The following ORC3 variants were observed in gnomAD, a reference collection of about 807,000 sequenced individuals.
ORC3 encodes the protein origin recognition complex subunit 3, also known as homolog of latheo, Drosophila.
In ORC3, 78 loss-of-function variants were observed where a neutral mutation model predicts 100.7. The observed-to-expected ratio is 0.77, with a 90% CI of 0.65 to 0.94. The LOEUF is 0.94. Ranked by LOEUF, ORC3 falls within the 40% of genes least tolerant of loss-of-function variation. The pLI is 0.00. For missense variants in ORC3, 789 were observed against 823.9 expected (o/e 0.96, Z 0.52); for synonymous variants, 295 against 289.3 (o/e 1.02, Z -0.20).
At chr6:87,650,948 G>A (rs760916795) in intron 13 of ORC3, 19 of 326,306 alleles carry the variant, frequency 5.8e-5, no homozygotes, top group African/African-American at 1.7e-4. Context: ...CAGAGGTTGC[G>A]GTGAGCCGAG....
chr6:87,674,669 T>A, the ORC3 span, among the ~76,000 whole-genome samples: 1 of 149,176 alleles, frequency 6.7e-6, no homozygotes, highest in African/African-American at 2.5e-5. Context: ...AGAGATGGGG[T>A]TTCACTGTGT....
At chr6:87,601,233 G>A (rs965811228) in intron 2 of ORC3, among the ~76,000 whole-genome samples, 7 of 152,008 alleles carry the variant, frequency 4.6e-5, no homozygotes, top group African/African-American at 1.7e-4. Context: ...AAATTAAAAA[G>A]CAAATGATAG....
At chr6:87,648,106 G>C (rs969818779) in intron 13 of ORC3, among the ~76,000 whole-genome samples, 2 of 152,094 alleles carry the variant, frequency 1.3e-5, no homozygotes, top group African/African-American at 2.4e-5. Flanking sequence ...GAGGCTAAAG[G>C]ATGAGAATTG....
chr6:87,618,544 C>T (rs1042941707), intron 9 of ORC3, among the ~76,000 whole-genome samples: 1 of 152,008 alleles, frequency 6.6e-6, no homozygotes, highest in African/African-American at 2.4e-5. Context: ...CATAGGAAAA[C>T]AGAAGTGTAT....
At chr6:87,649,872 G>A (rs1769107358) in intron 13 of ORC3, among the ~76,000 whole-genome samples, 1 of 151,692 alleles carries the variant, frequency 6.6e-6, no homozygotes, top group Non-Finnish European at 1.5e-5. Context: ...ATTTATTCAG[G>A]GCTTTTTTAA....
chr6:87,624,107 C>G (rs549060089), intron 11 of ORC3, among the ~76,000 whole-genome samples: 1 of 152,074 alleles, frequency 6.6e-6, no homozygotes, highest in South Asian at 2.1e-4. Context: ...TATGAAAAAG[C>G]ACAGAGATTT....
intron 15 of ORC3, among the ~76,000 whole-genome samples, chr6:87,657,271 G>T (rs1317545820): frequency 6.6e-6 from 1 of 152,164 alleles, no homozygotes; most frequent in Non-Finnish European, 1.5e-5. Context: ...TGGGAACATG[G>T]CTGCACAAAT....
chr6:87,604,147 C>T (rs1778169626), intron 4 of ORC3, among the ~76,000 whole-genome samples: 1 of 152,148 alleles, frequency 6.6e-6, no homozygotes, highest in African/African-American at 2.4e-5. Context: ...GGAATATTAG[C>T]AAATTTTCTT....
chr6:87,662,251 C>G (rs926458242), intron 16 of ORC3, among the ~76,000 whole-genome samples: 2 of 152,032 alleles, frequency 1.3e-5, no homozygotes, highest in Non-Finnish European at 1.5e-5. Flanking sequence ...ATGGTGAAAC[C>G]TCATCTCTAT....
At chr6:87,621,545 A>T in intron 10 of ORC3, 58 bp downstream of exon 10, 1 of 1,119,132 alleles carries the variant, frequency 8.9e-7, no homozygotes, top group Non-Finnish European at 1.2e-6. Flanking sequence ...ACTAAATAAG[A>T]GATCTCAGAT....
intron 11 of ORC3, among the ~76,000 whole-genome samples, chr6:87,627,374 C>T (rs1452726959): frequency 6.8e-6 from 1 of 146,292 alleles, no homozygotes; most frequent in East Asian, 2.0e-4. Context: ...CAGCTCACTG[C>T]AACCTCCACC....
chr6:87,641,688 A>AGGCTTTTGACTTAG (rs1168383668), intron 13 of ORC3, among the ~76,000 whole-genome samples: 1 of 152,200 alleles, frequency 6.6e-6, no homozygotes. Flanking sequence ...TTTCTGAGTA[A>AGGCTTTTGACTTAG]GGCTTTTGAC....
chr6:87,620,109 A>G (rs1225746519), intron 9 of ORC3, among the ~76,000 whole-genome samples: 1 of 152,230 alleles, frequency 6.6e-6, no homozygotes, highest in Non-Finnish European at 1.5e-5. Flanking sequence ...CAAAATAGTT[A>G]AGTGATAATG....
intron 2 of ORC3, among the ~76,000 whole-genome samples, chr6:87,599,446 C>A (rs1777720788): frequency 6.6e-6 from 1 of 151,888 alleles, no homozygotes; most frequent in African/African-American, 2.4e-5. Flanking sequence ...CAGCTCACTG[C>A]AACCTCTGCC....
intron 3 of ORC3, among the ~76,000 whole-genome samples, chr6:87,602,954 A>AATATATATATATATATATATATTATATAT (rs397935596): frequency 2.1e-5 from 2 of 95,296 alleles, no homozygotes; most frequent in African/African-American, 8.4e-5. Context: ...ACACATATAT[A>AATATATATATATATATATATATTATATAT]ATATATATAT....
At chr6:87,632,803 G>A (rs536449168) in intron 11 of ORC3, among the ~76,000 whole-genome samples, 27 of 152,258 alleles carry the variant, frequency 1.8e-4, no homozygotes, top group African/African-American at 6.5e-4. Context: ...GGTGGAGGTT[G>A]CAGTGAGCAG....
chr6:87,675,029 A>G, the ORC3 span: 1 of 151,602 alleles, frequency 6.6e-6, no homozygotes, highest in Non-Finnish European at 1.5e-5. Flanking sequence ...CATTTGTTAA[A>G]AAGACTGATA....
At chr6:87,614,642 A>G (rs1779027201) in intron 8 of ORC3, among the ~76,000 whole-genome samples, 1 of 152,140 alleles carries the variant, frequency 6.6e-6, no homozygotes, top group African/African-American at 2.4e-5. Context: ...TTTGTTCCTC[A>G]GGATACCCAA....
chr6:87,631,331 A>T, intron 11 of ORC3, among the ~76,000 whole-genome samples: 1 of 152,190 alleles, frequency 6.6e-6, no homozygotes, highest in East Asian at 1.9e-4. Context: ...TCTCCGTAGA[A>T]AAGAATCATT....
Sources: allele counts gnomAD v4.1 joint callset (sites outside exome capture counted in the v4.1 genomes callset), GRCh38; gene constraint gnomAD v4.1.1; transcripts MANE v1.5; gene names NCBI Gene and HGNC (gene_info 2026-07-23, HGNC 2026-07-21).